Variants in RUNX1T1 observed in about 807,000 individuals in gnomAD.
RUNX1T1 encodes the protein protein CBFA2T1.
In RUNX1T1, 4 loss-of-function variants were observed where a neutral mutation model predicts 62.8. That is an observed-to-expected ratio of 0.06 (90% CI 0.03 to 0.15). The LOEUF is 0.15. Among genes scored for constraint, RUNX1T1 ranks in the 10% least tolerant of loss-of-function variants. The pLI is 1.00. For missense variants in RUNX1T1, 508 were observed against 754.3 expected (o/e 0.67, Z 3.82); for synonymous variants, 291 against 286.0 (o/e 1.02, Z -0.18).
rs1195149455 is a variant in RUNX1T1, at chr8:91,976,672, A to G, written c.1199-699T>C. Among the ~76,000 whole-genome samples, 5 of 152,252 alleles carry G rather than the reference A, an allele frequency of 3.3e-5. No individual in the cohort carries two copies. In the East Asian group the frequency reaches 5.8e-4, roughly 18 times the overall value. On this transcript the variant is annotated intron_variant, in intron 8 of 10. Coordinates refer to ENST00000396218, the Ensembl canonical transcript of RUNX1T1. ...GCGTCTCAAATTTTAAAAGTTTAAG[A>G]AAACAACTAATAACTTTGATATAGG...
chr8:91,970,929 T>A, intron 9 of RUNX1T1, 81 bp from the exon 11 acceptor site: 2 of 1,235,240 alleles, frequency 1.6e-6, no homozygotes, highest in Non-Finnish European at 2.1e-6. Flanking sequence ...ACTTTTCTTT[T>A]AATTTTTTTT....
At chr8:91,969,976 G>A (rs1472616746) in intron 10 of RUNX1T1, among the ~76,000 whole-genome samples, 2 of 151,118 alleles carry the variant, frequency 1.3e-5, no homozygotes, top group African/African-American at 4.9e-5. Context: ...GTTAGATATT[G>A]TGTTTTAGTT....
intron 10 of RUNX1T1, among the ~76,000 whole-genome samples, chr8:91,960,793 A>C (rs1187987852): frequency 6.6e-6 from 1 of 152,182 alleles, no homozygotes. Flanking sequence ...CTTTCTTTTT[A>C]GGTTTGGTTA....
At chr8:92,090,023 G>C (rs563884785) in intron 1 of RUNX1T1, among the ~76,000 whole-genome samples, 5 of 149,420 alleles carry the variant, frequency 3.3e-5, no homozygotes, top group Middle Eastern at 3.2e-3. Context: ...AGACTTGTCC[G>C]TATGAGAGTT....
At chr8:92,025,738 C>G (rs973684347) in intron 1 of RUNX1T1, among the ~76,000 whole-genome samples, 1 of 152,210 alleles carries the variant, frequency 6.6e-6, no homozygotes, top group Non-Finnish European at 1.5e-5. Flanking sequence ...TGACACACAG[C>G]TTTAACTCAA....
Position 92,019,833 on chromosome 8 carries a change from G to A in RUNX1T1, c.8-2470C>T, listed in dbSNP as rs189343846. ...TTGAAAACATCTGAATATTGTCTTG[G>A]TCCACACTTGTAACGACTCCTATCC... On this transcript the variant is annotated intron_variant, in intron 1 of 10. Coordinates refer to ENST00000396218, the Ensembl canonical transcript of RUNX1T1. 2.3e-3 allele frequency among the ~76,000 whole-genome samples: 324 copies of A among 143,006 alleles called. 1 individual carries two copies. The highest frequency in any genetic ancestry group is 3.2e-3 in the Non-Finnish European group (205 of 64,718). The allele number at this position is 143,006 out of a possible 152,430, so 93.8% of individuals were successfully genotyped here. A position where few individuals can be genotyped will look rare whatever the true frequency, so the allele number is the denominator to read the frequency against.
chr8:91,987,013 G>T, intron 6 of RUNX1T1, 41 bp from the exon 8 acceptor site: 1 of 1,275,294 alleles, frequency 7.8e-7, no homozygotes, highest in Non-Finnish European at 1.1e-6. Context: ...AAAGCATTCA[G>T]TACACAACCC....
intron 1 of RUNX1T1, among the ~76,000 whole-genome samples, chr8:92,087,347 G>A (rs1005788463): frequency 1.3e-5 from 2 of 151,726 alleles, no homozygotes; most frequent in African/African-American, 4.9e-5. Flanking sequence ...TGCAGCCACA[G>A]TATTAATTTA....
rs1491146878 is a variant in RUNX1T1 at position 92,008,389 on chromosome 8, C to CACAT, written c.477+2612_477+2613insATGT. Among the ~76,000 whole-genome samples the CACAT allele has an allele frequency of 9.5e-3, 20 of 2,100 alleles. No individual in the cohort carries two copies. The East Asian group carries it at 0.26, about 27-fold the overall frequency. The allele number at this position is 2,100 out of a possible 152,430, so 1.4% of individuals were successfully genotyped here. A position where few individuals can be genotyped will look rare whatever the true frequency, so the allele number is the denominator to read the frequency against. ...CATATCTCTCTCTCTCTCTCTCTCTCACACACACACACACACACACACACA... is the reference window on the plus strand; with the variant it reads ...CATATCTCTCTCTCTCTCTCTCTCTCACATACACACACACACACACACACACACA... On this transcript the variant is annotated intron_variant, in intron 4 of 10. Coordinates refer to ENST00000396218, the Ensembl canonical transcript of RUNX1T1.
intron 2 of RUNX1T1, among the ~76,000 whole-genome samples, chr8:92,074,361 T>A (rs1359448892): frequency 6.6e-6 from 1 of 152,192 alleles, no homozygotes; most frequent in Non-Finnish European, 1.5e-5. Context: ...TGTGATGGAA[T>A]GCGAGTGGGT....
chr8:92,071,014 A>T (rs1315009406), intron 2 of RUNX1T1, among the ~76,000 whole-genome samples: 2 of 152,210 alleles, frequency 1.3e-5, no homozygotes, highest in Non-Finnish European at 2.9e-5. Flanking sequence ...TCTTATATTC[A>T]TGGGATCTCC....
At position 92,073,245 on chromosome 8, in the gene RUNX1T1, G is replaced by T. The variant is rs143641395; in HGVS notation, c.88+2720C>A. On this transcript the variant is annotated intron_variant, in intron 2 of 11. Coordinates refer to the RUNX1T1 transcript ENST00000265814. ...GAACGGCTCCAAATGGCATTCTAGAGGACCAAGCACTGTGTGTACCTTGGG... is the reference window on the plus strand; with the variant it reads ...GAACGGCTCCAAATGGCATTCTAGATGACCAAGCACTGTGTGTACCTTGGG... 2.3e-3 allele frequency among the ~76,000 whole-genome samples: 347 copies of T among 152,240 alleles called. 5 individuals are homozygous for T. Among genetic ancestry groups the T allele is most frequent in the East Asian group, 1.5e-3 (8 of 5,174 alleles).
intron 9 of RUNX1T1, among the ~76,000 whole-genome samples, chr8:91,973,043 A>G (rs1229837044): frequency 6.6e-6 from 1 of 151,936 alleles, no homozygotes; most frequent in African/African-American, 2.4e-5. Flanking sequence ...TTGTTATGTT[A>G]TTATATTGTG....
intron 5 of RUNX1T1, among the ~76,000 whole-genome samples, chr8:91,998,280 A>G (rs1338910247): frequency 1.3e-5 from 2 of 152,220 alleles, no homozygotes; most frequent in Non-Finnish European, 2.9e-5. Flanking sequence ...TAAAAAGAAA[A>G]TCAAACCTAA....
At chr8:92,022,746 A>T (rs192223443) in intron 1 of RUNX1T1, among the ~76,000 whole-genome samples, 1 of 152,348 alleles carries the variant, frequency 6.6e-6, no homozygotes, top group Non-Finnish European at 1.5e-5. Flanking sequence ...GTACTGATAT[A>T]GCAGCACAAA....
upstream of RUNX1T1, among the ~76,000 whole-genome samples, chr8:92,100,544 C>A (rs1233989663): frequency 6.6e-6 from 1 of 152,064 alleles, no homozygotes; most frequent in Non-Finnish European, 1.5e-5. Context: ...AATAAACCAA[C>A]AAAATATAAA....
chr8:92,030,761 G>T (rs1826067284), intron 1 of RUNX1T1, among the ~76,000 whole-genome samples: 1 of 152,096 alleles, frequency 6.6e-6, no homozygotes, highest in Admixed American at 6.5e-5. Context: ...CCTTCTCCTA[G>T]CTATCTCTAG....
intron 8 of RUNX1T1, chr8:91,977,492 T>C (rs1480262137): frequency 3.1e-5 from 6 of 191,544 alleles, no homozygotes; most frequent in African/African-American, 1.4e-4. Context: ...GGAAATGTGA[T>C]ACAGCTAATT....
chr8:92,032,349 C>T (rs529607837), intron 1 of RUNX1T1, among the ~76,000 whole-genome samples: 7 of 152,032 alleles, frequency 4.6e-5, no homozygotes, highest in Admixed American at 2.0e-4. Context: ...AAAATAAACC[C>T]GTCTCATGCC....
Sources: allele counts gnomAD v4.1 joint callset (sites outside exome capture counted in the v4.1 genomes callset), GRCh38; gene constraint gnomAD v4.1.1; transcripts MANE v1.5; gene names NCBI Gene and HGNC (gene_info 2026-07-23, HGNC 2026-07-21).